Variants in ITGB2 observed in about 807,000 individuals in gnomAD.
ITGB2 encodes the protein integrin subunit beta 2, also known as integrin beta-2.
In ITGB2, 56 loss-of-function variants were observed where a neutral mutation model predicts 86.8. That is an observed-to-expected ratio of 0.65 (90% CI 0.52 to 0.81). ITGB2 has a LOEUF of 0.81. Ranked by LOEUF, ITGB2 falls within the 30% of genes least tolerant of loss-of-function variation. ITGB2 has a pLI of 0.00. For synonymous variants in ITGB2, 457 were observed against 450.4 expected (o/e 1.01, Z -0.19); for missense variants, 948 against 1,061.2 (o/e 0.89, Z 1.48).
intron 5 of ITGB2, 39 bp downstream of exon 5, chr21:44,903,326 G>T: frequency 6.2e-7 from 1 of 1,612,978 alleles, no homozygotes; most frequent in African/African-American, 1.3e-5. Context: ...CAGGGTCTGG[G>T]AAAGGACTGG....
chr21:44,910,079 CAAGT>C (rs1397257994), intron 3 of ITGB2, among the ~76,000 whole-genome samples: 16 of 152,360 alleles, frequency 1.1e-4, no homozygotes, highest in African/African-American at 3.8e-4. Flanking sequence ...AGAAAAAATA[CAAGT>C]GTGTGTTCTG....
intron 1 of ITGB2, among the ~76,000 whole-genome samples, chr21:44,917,710 T>C (rs1001625874): frequency 1.3e-5 from 2 of 152,144 alleles, no homozygotes; most frequent in African/African-American, 4.8e-5. Flanking sequence ...GCTGAGACTC[T>C]CAGCACCTCT....
chr21:44,897,642 GGTAA>G (rs1040246664), intron 8 of ITGB2, among the ~76,000 whole-genome samples: 17 of 152,220 alleles, frequency 1.1e-4, no homozygotes, highest in Admixed American at 2.0e-4. Flanking sequence ...GGCGTCCTGT[GGTAA>G]GTAACAGAGC....
intron 2 of ITGB2, 163 bp downstream of exon 2, chr21:44,910,562 T>C (rs2084115309): frequency 7.1e-7 from 1 of 1,400,072 alleles, no homozygotes; most frequent in Non-Finnish European, 9.9e-7. Flanking sequence ...TACAGCCTCC[T>C]GGCACGTGCG....
At chr21:44,902,601 G>A (rs9980891) in intron 5 of ITGB2, among the ~76,000 whole-genome samples, 2,122 of 151,900 alleles carry the variant, frequency 0.014, 45 homozygotes, top group African/African-American at 0.046. Context: ...GCATGCATTC[G>A]CGTGTGTGAG....
upstream of ITGB2, among the ~76,000 whole-genome samples, chr21:44,925,670 A>C (rs1439394272): frequency 6.6e-6 from 1 of 152,216 alleles, no homozygotes; most frequent in Non-Finnish European, 1.5e-5. Flanking sequence ...GATACAACCC[A>C]AAAGTACTCA....
At chr21:44,894,830 G>T in intron 9 of ITGB2, 141 bp downstream of exon 9, 1 of 712,156 alleles carries the variant, frequency 1.4e-6, no homozygotes, top group African/African-American at 1.7e-5. Context: ...CTGAGGGCAG[G>T]TCGGGAGGCT....
intron 4 of ITGB2, among the ~76,000 whole-genome samples, chr21:44,906,373 G>A (rs970722252): frequency 1.3e-5 from 2 of 152,114 alleles, no homozygotes; most frequent in African/African-American, 4.8e-5. Flanking sequence ...CACCCGCCTC[G>A]GCCTCCCAAA....
rs775983819 is a variant in ITGB2 at position 44,889,972 on chromosome 21, G to T, written c.1657+6C>A. ...GCCGTTGTCCAGCAGGGACCCACGGGCTCACCCGGGCCGCCGCAGACCTGG... is the reference window on the plus strand; with the variant it reads ...GCCGTTGTCCAGCAGGGACCCACGGTCTCACCCGGGCCGCCGCAGACCTGG... On this transcript the variant is annotated splice_donor_region_variant and intron_variant, in intron 12 of 15. Transcript: ENST00000652462. 1 of 1,612,864 alleles carries T rather than the reference G, an allele frequency of 6.2e-7. No homozygotes were observed. The highest frequency in any genetic ancestry group is 8.5e-7 in the Non-Finnish European group (1 of 1,179,982).
upstream of ITGB2, among the ~76,000 whole-genome samples, chr21:44,922,045 G>A (rs1399210843): frequency 1.3e-5 from 2 of 152,214 alleles, no homozygotes; most frequent in Non-Finnish European, 2.9e-5. Context: ...TTTTAAAGAT[G>A]TCTTGCAGAA....
chr21:44,915,836 C>T (rs1383575336), intron 1 of ITGB2, among the ~76,000 whole-genome samples: 1 of 152,192 alleles, frequency 6.6e-6, no homozygotes, highest in African/African-American at 2.4e-5. Flanking sequence ...ACCTGCGACC[C>T]TGCAAAAGCG....
chr21:44,917,173 G>C (rs1372627832), intron 1 of ITGB2, among the ~76,000 whole-genome samples: 1 of 152,210 alleles, frequency 6.6e-6, no homozygotes, highest in Non-Finnish European at 1.5e-5. Flanking sequence ...AAAATATCTT[G>C]ATTCCCTGTG....
At chr21:44,906,671 G>A (rs1436671130) in intron 4 of ITGB2, among the ~76,000 whole-genome samples, 2 of 152,140 alleles carry the variant, frequency 1.3e-5, no homozygotes, top group African/African-American at 4.8e-5. Flanking sequence ...GTCGGGCTGC[G>A]AGAGAGTGCA....
At position 44,903,608 on chromosome 21, in the gene ITGB2, G is replaced by A. The variant is rs115877184; in HGVS notation, c.329-73C>T. ...AGGGTGTCTGGGGGCGTGTGGCCCC[G>A]AGCGGGCTGTGCACTGGCACCCTCT... On this transcript the variant is annotated intron_variant, in intron 4 of 15. Transcript: ENST00000652462. 3.1e-3 allele frequency: 4,866 copies of A among 1,569,624 alleles called. 147 individuals carry two copies. In the African/African-American group the frequency reaches 0.058, roughly 19 times the overall value.
chr21:44,888,777 C>G lies in ITGB2; in HGVS notation c.1996G>C (p.Asp666His). The change falls in exon 14 of 16, where the codon GAC (aspartate) becomes CAC (histidine). Residue 666 changes from aspartate (D) to histidine (H), a missense_variant. Transcript: ENST00000652462. ...PVKGRTCKER[D>H]SEGCWVAYTL... ...TAGGCCACCCAGCAGCCCTCTGAGT[C>G]CCTCTCCTTGCAGGTCCTGCCCTTC... 1 of 1,612,170 alleles carries G rather than the reference C, an allele frequency of 6.2e-7. No homozygotes were observed. The highest frequency in any genetic ancestry group is 8.5e-7 in the Non-Finnish European group (1 of 1,179,990).
chr21:44,903,284 G>A (rs1451820731), intron 5 of ITGB2, 81 bp downstream of exon 5: 20 of 1,554,474 alleles, frequency 1.3e-5, no homozygotes, highest in African/African-American at 2.7e-5. Context: ...ACCTGAGTGC[G>A]AGGAGTTGTG....
intron 1 of ITGB2, chr21:44,927,845 C>A (rs1043656508): frequency 6.6e-6 from 1 of 152,250 alleles, no homozygotes; most frequent in Non-Finnish European, 1.5e-5. Flanking sequence ...CTCATGGGAT[C>A]CCCCACAGAT....
In ITGB2 at chr21:44,906,974, TC is replaced by T; in HGVS notation, c.268del (p.Asp90ThrfsTer14). The T allele has an allele frequency of 1.2e-6, 2 of 1,614,132 alleles. No individual in the cohort carries two copies. The highest frequency in any genetic ancestry group is 1.7e-6 in the Non-Finnish European group (2 of 1,180,004). On this transcript the variant is annotated frameshift_variant, in exon 4 of 16. Coordinates refer to ENST00000652462, the MANE Select transcript of ITGB2 (RefSeq NM_000211.5). LOFTEE classifies it high-confidence loss of function. ...DPTSLAETQE[D>X]HNGGQKQLSP... Reference sequence around the variant, plus strand: ...CAGCTGCTTCTGGCCCCCATTGTGGTCTTCCTGGGTTTCAGCGAGGCTTGTG... The same window carrying T: ...CAGCTGCTTCTGGCCCCCATTGTGGTTTCCTGGGTTTCAGCGAGGCTTGTG...
intron 6 of ITGB2, among the ~76,000 whole-genome samples, chr21:44,900,951 A>G (rs746471302): frequency 2.6e-5 from 4 of 152,224 alleles, no homozygotes; most frequent in Non-Finnish European, 5.9e-5. Flanking sequence ...ACTCGTGAGC[A>G]GTGTGTCTGC....
Sources: allele counts gnomAD v4.1 joint callset (sites outside exome capture counted in the v4.1 genomes callset), GRCh38; gene constraint gnomAD v4.1.1; transcripts MANE v1.5; gene names NCBI Gene and HGNC (gene_info 2026-07-23, HGNC 2026-07-21).